Variants in CAV1 observed in about 807,000 individuals in gnomAD.
CAV1 encodes the protein caveolin 1.
A neutral mutation model predicts 16.5 loss-of-function variants in CAV1; 10 were observed. The observed-to-expected ratio is 0.61, with a 90% CI of 0.37 to 1.03. The LOEUF is 1.03. Ranked by LOEUF, CAV1 falls within the 50% of genes least tolerant of loss-of-function variation. The pLI, the probability that CAV1 is intolerant of heterozygous loss-of-function variation, is 0.01. For synonymous variants in CAV1, 76 were observed against 85.1 expected (o/e 0.89, Z 0.59); for missense variants, 212 against 232.8 (o/e 0.91, Z 0.58).
intron 2 of CAV1, among the ~76,000 whole-genome samples, chr7:116,556,621 G>C (rs1794299085): frequency 6.6e-6 from 1 of 152,152 alleles, no homozygotes; most frequent in East Asian, 1.9e-4. Context: ...GTCAACAAAT[G>C]TTCACAACTC....
Position 116,525,207 on chromosome 7 carries a change from A to G in CAV1, c.30+115A>G. 3 of 1,613,390 alleles carry G rather than the reference A, an allele frequency of 1.9e-6. No individual in the cohort carries two copies. The East Asian group carries it at 6.7e-5, about 36-fold the overall frequency. ...GGCCCCAGCCCTCTCTCCACTTCGG[A>G]GCACTCCTCTGGCGTTGGCACCGCT... On this transcript the variant is annotated intron_variant, in intron 1 of 2. Coordinates refer to ENST00000341049, the MANE Select transcript of CAV1 (RefSeq NM_001753.5).
intron 2 of CAV1, among the ~76,000 whole-genome samples, chr7:116,535,968 TA>T (rs1793804516): frequency 6.6e-6 from 1 of 152,194 alleles, no homozygotes; most frequent in Non-Finnish European, 1.5e-5. Context: ...GGTGACGTTT[TA>T]AAAAGCTGCA....
chr7:116,559,068 C>T lies in CAV1; in HGVS notation c.318C>T (p.Leu106=). The change falls in exon 3 of 3, where the codon CTC becomes CTT. Residue 106 remains leucine (L), a synonymous_variant. Transcript: ENST00000341049. The part of the protein sequence containing the change: ...KYWFYRLLSA[L]FGIPMALIWG... ...GGTTTTACCGCTTGCTGTCTGCCCT[C>T]TTTGGCATCCCGATGGCACTCATCT... The T allele has an allele frequency of 6.2e-7, 1 of 1,613,956 alleles. No individual in the cohort carries two copies. Among genetic ancestry groups the T allele is most frequent in the Non-Finnish European group, 8.5e-7 (1 of 1,179,934 alleles).
At chr7:116,545,902 A>G (rs1206315316) in intron 2 of CAV1, among the ~76,000 whole-genome samples, 1 of 152,262 alleles carries the variant, frequency 6.6e-6, no homozygotes. Flanking sequence ...CGAAGAATCC[A>G]GGCCTCTGGA....
At chr7:116,543,191 T>C (rs1408755951) in intron 2 of CAV1, among the ~76,000 whole-genome samples, 1 of 152,234 alleles carries the variant, frequency 6.6e-6, no homozygotes, top group Non-Finnish European at 1.5e-5. Flanking sequence ...AAGTTGCCTT[T>C]ATTTATAAAA....
At chr7:116,558,600 AG>A in intron 2 of CAV1, among the ~76,000 whole-genome samples, 1 of 149,988 alleles carries the variant, frequency 6.7e-6, no homozygotes, top group South Asian at 2.1e-4. Flanking sequence ...AAAAAAAAAA[AG>A]GATTAGCCAA....
chr7:116,530,998 A>C (rs995270450), intron 2 of CAV1, among the ~76,000 whole-genome samples: 3 of 152,242 alleles, frequency 2.0e-5, no homozygotes, highest in Non-Finnish European at 4.4e-5. Flanking sequence ...AGACAATGCG[A>C]AGTGGCATTG....
chr7:116,525,150 T>C, intron 1 of CAV1, 58 bp downstream of exon 1: 2 of 1,614,172 alleles, frequency 1.2e-6, no homozygotes, highest in Non-Finnish European at 1.7e-6. Context: ...GCTTCTGCTA[T>C]CTGCCTCTCC....
chr7:116,545,014 T>TCA (rs1240567212), intron 2 of CAV1, among the ~76,000 whole-genome samples: 1 of 152,198 alleles, frequency 6.6e-6, no homozygotes, highest in African/African-American at 2.4e-5. Flanking sequence ...ACTCACAAAG[T>TCA]CACAGTACAG....
chr7:116,546,400 A>G (rs1441539644), intron 2 of CAV1, among the ~76,000 whole-genome samples: 1 of 152,108 alleles, frequency 6.6e-6, no homozygotes, highest in Non-Finnish European at 1.5e-5. Flanking sequence ...CATAAAAAAG[A>G]ATATGCAGGC....
chr7:116,533,464 C>A (rs910283579), intron 2 of CAV1, among the ~76,000 whole-genome samples: 6 of 151,974 alleles, frequency 3.9e-5, no homozygotes, highest in African/African-American at 9.6e-5. Flanking sequence ...TGTTTCTTTT[C>A]TTTATTTATT....
At position 116,559,477 on chromosome 7, in the gene CAV1, C is replaced by T; in HGVS notation, c.*190C>T. On this transcript the variant is annotated 3_prime_UTR_variant, in exon 3 of 3. Transcript: ENST00000341049. ...TCTGAGCTATTTCATCTATTTTTGGCAGTCTGAATTTTTAAAACCCATTTA... is the reference window on the plus strand; with the variant it reads ...TCTGAGCTATTTCATCTATTTTTGGTAGTCTGAATTTTTAAAACCCATTTA... 1.6e-6 allele frequency: 1 copy of T among 610,174 alleles called. No homozygotes were observed. Among genetic ancestry groups the T allele is most frequent in the Non-Finnish European group, 2.9e-6 (1 of 348,002 alleles). 37.8% of individuals were successfully genotyped at this position (610,174 alleles called of 1,614,324 possible).
At chr7:116,529,382 G>T (rs1273791871) in intron 2 of CAV1, among the ~76,000 whole-genome samples, 1 of 152,162 alleles carries the variant, frequency 6.6e-6, no homozygotes, top group East Asian at 1.9e-4. Flanking sequence ...TAAATTTCAA[G>T]TAATTAATAT....
At chr7:116,527,624 G>A (rs1007054502) in intron 2 of CAV1, among the ~76,000 whole-genome samples, 7 of 152,164 alleles carry the variant, frequency 4.6e-5, no homozygotes, top group Admixed American at 4.6e-4. Context: ...GGGATATCAT[G>A]GGCTAGAGCC....
chr7:116,546,423 C>G (rs1794047410), intron 2 of CAV1, among the ~76,000 whole-genome samples: 1 of 152,058 alleles, frequency 6.6e-6, no homozygotes, highest in South Asian at 2.1e-4. Flanking sequence ...GGCGTGGTGG[C>G]TCATGCCTGT....
At chr7:116,554,016 T>C (rs1794215175) in intron 2 of CAV1, among the ~76,000 whole-genome samples, 1 of 152,204 alleles carries the variant, frequency 6.6e-6, no homozygotes, top group Non-Finnish European at 1.5e-5. Flanking sequence ...ATTGCAATCC[T>C]GTGCTGCCAT....
At position 116,559,803 on chromosome 7, in the gene CAV1, A is replaced by G. The variant is rs1022702043; in HGVS notation, c.*516A>G. 2.4e-6 allele frequency: 1 copy of G among 409,980 alleles called. No homozygotes were observed. Among genetic ancestry groups the G allele is most frequent in the Non-Finnish European group, 4.3e-6 (1 of 233,090 alleles). The allele number at this position is 409,980 out of a possible 1,614,324, so 25.4% of individuals were successfully genotyped here. ...ACTGCCATTCACTTCATAATCCAGT[A>G]GGATCCAGTGATCCTTACAAGTTAG... On this transcript the variant is annotated 3_prime_UTR_variant, in exon 3 of 3. Transcript: ENST00000341049.
At chr7:116,525,419 A>T (rs906931539) in intron 1 of CAV1, 30 of 1,433,744 alleles carry the variant, frequency 2.1e-5, no homozygotes, top group Admixed American at 1.4e-4. Context: ...TTGTCGCGGG[A>T]CCCCCGCGGT....
chr7:116,551,429 A>G (rs1366022760), intron 2 of CAV1, among the ~76,000 whole-genome samples: 1 of 152,226 alleles, frequency 6.6e-6, no homozygotes, highest in African/African-American at 2.4e-5. Flanking sequence ...TCTGTTTGGT[A>G]TGAATTCTAG....
Sources: gnomAD v4.1 joint callset for allele counts (sites outside exome capture counted in the v4.1 genomes callset) on GRCh38, gnomAD v4.1.1 for gene constraint, MANE v1.5 for transcripts, NCBI Gene and HGNC (gene_info 2026-07-23, HGNC 2026-07-21) for gene names.